Variants in GGA3 observed in about 807,000 individuals in gnomAD.
The protein encoded by GGA3 is ADP-ribosylation factor-binding protein GGA3.
In GGA3, 57 loss-of-function variants were observed where a neutral mutation model predicts 77.5. That is an observed-to-expected ratio of 0.74 (90% CI 0.59 to 0.92). The LOEUF is 0.92. GGA3 is among the 40% of genes least tolerant of loss of function. The pLI is 0.00. For missense variants in GGA3, 970 were observed against 914.9 expected, an observed-to-expected ratio of 1.06 and a Z score of -0.78; for synonymous variants, 416 against 383.7, an observed-to-expected ratio of 1.08 and a Z score of -0.98.
chr17:75,238,505 C>A (rs781591044), intron 16 of GGA3, 116 bp from the exon 17 acceptor site: 36 of 1,021,742 alleles, frequency 3.5e-5, no homozygotes, highest in South Asian at 3.4e-4. Context: ...CAACCCCCAA[C>A]CATGCTCAGA....
intron 1 of GGA3, among the ~76,000 whole-genome samples, chr17:75,256,426 TC>T (rs1054087705): frequency 6.6e-5 from 10 of 152,020 alleles, no homozygotes; most frequent in Non-Finnish European, 1.3e-4. Context: ...CAATCTGGCC[TC>T]CCACATTATT....
chr17:75,244,702 T>C lies in GGA3; in HGVS notation c.217A>G (p.Met73Val), dbSNP rs758097137. 2.5e-6 allele frequency: 4 copies of C among 1,613,590 alleles called. No homozygotes were observed. The highest frequency in any genetic ancestry group is 3.4e-6 in the Non-Finnish European group (4 of 1,179,486). Residue 73 changes from methionine (M) to valine (V), a missense_variant, in exon 4 of 17, where the codon ATG (methionine) becomes GTG (valine). Met to Val is a conservative substitution (Grantham distance 21, BLOSUM62 1). Coordinates refer to ENST00000537686, the MANE Select transcript of GGA3 (RefSeq NM_138619.4). Reference protein sequence around the residue: ...LQALTVLEACMKNCGRRFHNE... With the variant: ...LQALTVLEACVKNCGRRFHNE... ...TGAAATCTCCTCCCACAGTTCTTCA[T>C]GCATGCCTCCAGCACCTGTAGCCGC...
chr17:75,239,599 G>A (rs749117973), intron 13 of GGA3, 28 bp from the exon 14 acceptor site: 29 of 1,531,484 alleles, frequency 1.9e-5, no homozygotes, highest in Middle Eastern at 1.7e-4. Context: ...TGGAAAGCAC[G>A]TCAGAGAGCC....
intron 14 of GGA3, 67 bp from the exon 15 acceptor site, chr17:75,239,150 A>C: frequency 6.9e-7 from 1 of 1,440,466 alleles, no homozygotes; most frequent in Non-Finnish European, 9.5e-7. Flanking sequence ...CCCGGCGGTG[A>C]GGAGAAAAGG....
intron 1 of GGA3, among the ~76,000 whole-genome samples, chr17:75,256,724 A>T (rs1348238223): frequency 6.6e-6 from 1 of 152,058 alleles, no homozygotes; most frequent in Non-Finnish European, 1.5e-5. Flanking sequence ...CTCAGGGATT[A>T]TTCAGGCCCC....
At chr17:75,243,673 T>G (rs1598405494) in intron 4 of GGA3, 103 bp from the exon 5 acceptor site, 1 of 1,175,766 alleles carries the variant, frequency 8.5e-7, no homozygotes, top group Admixed American at 2.4e-5. Context: ...GCAGCTATGG[T>G]CCTACTCAAA....
At chr17:75,239,149 G>A in intron 14 of GGA3, 66 bp from the exon 15 acceptor site, 2 of 1,446,532 alleles carry the variant, frequency 1.4e-6, no homozygotes, top group Non-Finnish European at 1.9e-6. Context: ...CCCCGGCGGT[G>A]AGGAGAAAAG....
intron 1 of GGA3, 38 bp downstream of exon 1, chr17:75,261,510 C>A: frequency 1.4e-6 from 2 of 1,473,474 alleles, no homozygotes; most frequent in Non-Finnish European, 1.8e-6. Flanking sequence ...GGCAGCCCAG[C>A]GGCTCGAGGG....
At chr17:75,252,629 C>G (rs2077007687) in intron 1 of GGA3, among the ~76,000 whole-genome samples, 1 of 152,114 alleles carries the variant, frequency 6.6e-6, no homozygotes, top group Non-Finnish European at 1.5e-5. Flanking sequence ...ATTGTCAGGC[C>G]TCTGAGCCCA....
At position 75,246,528 on chromosome 17, in the gene GGA3, T is replaced by C. The variant is rs527797539; in HGVS notation, c.182A>G (p.Glu61Gly). 31 of 1,612,616 alleles carry C rather than the reference T, an allele frequency of 1.9e-5. No homozygotes were observed. Among genetic ancestry groups the C allele is most frequent in the Non-Finnish European group, 2.5e-5 (30 of 1,178,626 alleles). The change falls in exon 3 of 17, where the codon GAG becomes GGG. Residue 61 changes from glutamate (E) to glycine (G), a missense_variant. Physicochemically the swap from Glu to Gly is moderately conservative, Grantham distance 98. Coordinates refer to ENST00000537686, the MANE Select transcript of GGA3 (RefSeq NM_138619.4). ...ACCTACCGTCAGGGCCTGGAGCGCC[T>C]CCCATTCCTGTGGGGACTGGATCTT... ...AHKIQSPQEW[E>G]ALQALTVLEA... is the part of the protein sequence containing the mutation.
intron 1 of GGA3, among the ~76,000 whole-genome samples, chr17:75,249,595 A>G (rs189756422): frequency 2.6e-5 from 4 of 152,332 alleles, no homozygotes; most frequent in Admixed American, 1.3e-4. Flanking sequence ...ACTAATTCCT[A>G]TCAGGTGCTT....
intron 7 of GGA3, 84 bp from the exon 8 acceptor site, chr17:75,242,557 C>T: frequency 6.6e-7 from 1 of 1,519,224 alleles, no homozygotes; most frequent in Non-Finnish European, 9.1e-7. Flanking sequence ...TACCCCACAA[C>T]ACAAGTACAG....
intron 4 of GGA3, 177 bp downstream of exon 4, chr17:75,244,442 G>A (rs777361361): frequency 1.3e-5 from 8 of 604,576 alleles, no homozygotes; most frequent in African/African-American, 7.4e-5. Context: ...AAAAGCTGCC[G>A]GTCCCTGTGG....
In GGA3 at chr17:75,239,468, G is replaced by C. The variant is rs200503191; in HGVS notation, c.1687C>G (p.Gln563Glu). 1.0e-4 allele frequency: 166 copies of C among 1,581,212 alleles called. 1 individual carries two copies. Among genetic ancestry groups the C allele is most frequent in the South Asian group, 2.4e-4 (21 of 86,104 alleles). Residue 563 changes from glutamine (Q) to glutamate (E), a missense_variant, in exon 14 of 17, where the codon CAG (glutamine) becomes GAG (glutamate). By Grantham distance (29) the Gln-to-Glu change is conservative (BLOSUM62 2). Transcript: ENST00000537686. ...CCCTGGGACTGGAAACTCAGTGGCT[G>C]GAAGAGCGGGCTGCCGGGCCCCGTG... ...FSTGPGSPLF[Q>E]PLSFQSQGSP...
At chr17:75,241,950 G>C in intron 8 of GGA3, 1 of 567,084 alleles carries the variant, frequency 1.8e-6, no homozygotes, top group South Asian at 2.0e-5. Context: ...TTCCAGGCTG[G>C]CATGTTCCTC....
rs923792130 is a variant in GGA3, at chr17:75,241,446, C to G, written c.900G>C (p.Gln300His). Residue 300 changes from glutamine to histidine, a missense_variant, in exon 10 of 17, where the codon CAG becomes CAC. Physicochemically the swap from Gln to His is conservative, Grantham distance 24. Transcript: ENST00000537686. ...AGGTAGCCACCTCGCCATTGATGAC[C>G]TGCCCTTCAATAATTGTTTTGTAAG... ...INSYKTIIEG[Q>H]VINGEVATLT... The G allele has an allele frequency of 1.9e-6, 3 of 1,613,902 alleles. No individual in the cohort carries two copies. The South Asian group carries it at 3.3e-5, about 18-fold the overall frequency.
intron 1 of GGA3, among the ~76,000 whole-genome samples, chr17:75,257,723 CT>C (rs1423127451): frequency 6.6e-6 from 1 of 152,202 alleles, no homozygotes; most frequent in Non-Finnish European, 1.5e-5. Context: ...CACGCCGCCC[CT>C]AATCCCACTT....
chr17:75,260,719 G>A (rs1465152486), intron 1 of GGA3, among the ~76,000 whole-genome samples: 2 of 152,178 alleles, frequency 1.3e-5, no homozygotes, highest in African/African-American at 4.8e-5. Context: ...CTAGCCTACA[G>A]GAAAGTTCAC....
chr17:75,237,826 A>C lies in GGA3; in HGVS notation c.*453T>G. ...TTGGCGGGGGAAGCATGGAATTGCA[A>C]CAGGGCTGCAGCCCCTTGGGCCGTG... On this transcript the variant is annotated 3_prime_UTR_variant, in exon 17 of 17. Coordinates refer to ENST00000537686, the MANE Select transcript of GGA3 (RefSeq NM_138619.4). 2.1e-6 allele frequency: 3 copies of C among 1,427,508 alleles called. 1 individual carries two copies. Among genetic ancestry groups the C allele is most frequent in the Non-Finnish European group, 2.7e-6 (3 of 1,095,910 alleles). 88.4% of individuals were successfully genotyped at this position (1,427,508 alleles called of 1,614,324 possible).
Sources: gnomAD v4.1 joint callset for allele counts (sites outside exome capture counted in the v4.1 genomes callset) on GRCh38, gnomAD v4.1.1 for gene constraint, MANE v1.5 for transcripts, NCBI Gene and HGNC (gene_info 2026-07-23, HGNC 2026-07-21) for gene names.